ZNF107: variants seen among roughly 807,000 people sequenced by gnomAD.
ZNF107 encodes zinc finger protein 107.
A neutral mutation model predicts 12.3 loss-of-function variants in ZNF107; 19 were observed. The observed-to-expected ratio is 1.55, with a 90% CI of 1.08 to 2.27. ZNF107 has a LOEUF of 2.27. Ranked by LOEUF, ZNF107 falls within the 30% of genes most tolerant of loss-of-function variation. The probability of loss-of-function intolerance (pLI) is 0.00; values close to 1 mark genes in which losing one functional copy is unlikely to be tolerated. For missense variants in ZNF107, 958 were observed against 979.9 expected (o/e 0.98, Z 0.30); for synonymous variants, 317 against 330.5 (o/e 0.96, Z 0.44).
At chr7:64,701,655 T>C (rs929314302) in intron 3 of ZNF107, among the ~76,000 whole-genome samples, 1 of 152,170 alleles carries the variant, frequency 6.6e-6, no homozygotes, top group Non-Finnish European at 1.5e-5. Flanking sequence ...GGTTTCACTC[T>C]GTCAATCAGG....
intron 1 of ZNF107, among the ~76,000 whole-genome samples, chr7:64,683,643 C>T (rs951826753): frequency 3.4e-4 from 52 of 152,270 alleles, no homozygotes; most frequent in African/African-American, 1.2e-3. Context: ...ATGTAGGATA[C>T]AAGCCTTTGG....
At chr7:64,691,812 A>AACCG (rs1201968296) in intron 2 of ZNF107, 53 bp from the exon 3 acceptor site, 1 of 1,062,718 alleles carries the variant, frequency 9.4e-7, no homozygotes, top group Non-Finnish European at 1.2e-6. Flanking sequence ...CTGGATTAGT[A>AACCG]ATTGGAGAAT....
chr7:64,708,764 A>T lies in ZNF107; in HGVS notation c.*108A>T, dbSNP rs550098537. The T allele has an allele frequency of 1.5e-4, 172 of 1,119,860 alleles. 2 individuals are homozygous for T. In the African/African-American group the frequency reaches 2.6e-3, roughly 17 times the overall value. The allele number at this position is 1,119,860 out of a possible 1,614,324, so 69.4% of individuals were successfully genotyped here. ...CAAGTCTTCAACTTTTTCTGCACAC[A>T]CGAGGTATTTTATACTGGTGAGAAA... is the stretch of plus-strand genomic sequence containing the variant. On this transcript the variant is annotated 3_prime_UTR_variant, in exon 4 of 4. Transcript: ENST00000620827.
chr7:64,674,703 G>T (rs1197127316), intron 1 of ZNF107, among the ~76,000 whole-genome samples: 1 of 152,166 alleles, frequency 6.6e-6, no homozygotes, highest in Non-Finnish European at 1.5e-5. Context: ...AATGCTTCTA[G>T]CTTTGTCCAT....
chr7:64,684,250 G>A lies in ZNF107; in HGVS notation c.4-6998G>A, dbSNP rs568796415. 4.6e-5 allele frequency among the ~76,000 whole-genome samples: 7 copies of A among 152,098 alleles called. No individual in the cohort carries two copies. The East Asian group carries it at 1.4e-3, about 29-fold the overall frequency. On this transcript the variant is annotated intron_variant, in intron 1 of 3. Transcript: ENST00000620827. Reference sequence around the variant, plus strand: ...TTATATGGTAGTACTTTTCTACTGGGGCCCAACCTCATCCCAGACACCAGT... The same window carrying A: ...TTATATGGTAGTACTTTTCTACTGGAGCCCAACCTCATCCCAGACACCAGT...
At chr7:64,697,782 C>T (rs1242476445) in intron 3 of ZNF107, among the ~76,000 whole-genome samples, 2 of 151,924 alleles carry the variant, frequency 1.3e-5, no homozygotes, top group African/African-American at 2.4e-5. Flanking sequence ...GCTCCGCCTC[C>T]CGGGTTCACG....
At chr7:64,686,522 C>G in intron 1 of ZNF107, 1 of 985,388 alleles carries the variant, frequency 1.0e-6, no homozygotes, top group Non-Finnish European at 1.2e-6. Flanking sequence ...AACATCACCC[C>G]GTCCACTTCT....
intron 1 of ZNF107, among the ~76,000 whole-genome samples, chr7:64,673,931 G>T (rs1017050584): frequency 6.6e-6 from 1 of 150,828 alleles, no homozygotes; most frequent in African/African-American, 2.5e-5. Flanking sequence ...CTATTGGTCT[G>T]TTTTTTGTTG....
chr7:64,676,873 A>C (rs1177290912), intron 1 of ZNF107, among the ~76,000 whole-genome samples: 1 of 152,114 alleles, frequency 6.6e-6, no homozygotes, highest in Non-Finnish European at 1.5e-5. Flanking sequence ...CTTATGTAAA[A>C]ATTCAGGTTC....
chr7:64,697,319 T>C (rs1398620329), intron 3 of ZNF107, among the ~76,000 whole-genome samples: 2 of 152,198 alleles, frequency 1.3e-5, no homozygotes, highest in South Asian at 2.1e-4. Flanking sequence ...TTATAATCCT[T>C]TGGGTATATA....
intron 1 of ZNF107, among the ~76,000 whole-genome samples, chr7:64,683,111 C>G (rs974694722): frequency 6.6e-6 from 1 of 152,260 alleles, no homozygotes; most frequent in Non-Finnish European, 1.5e-5. Context: ...CCCTCCACCA[C>G]CTCTCAGCAA....
At chr7:64,679,390 A>G in intron 1 of ZNF107, 1 of 972,966 alleles carries the variant, frequency 1.0e-6, no homozygotes, top group Non-Finnish European at 1.2e-6. Context: ...AGGAGAGGAC[A>G]CTCACTGTCT....
At chr7:64,704,326 A>G (rs996277151) in intron 3 of ZNF107, among the ~76,000 whole-genome samples, 5 of 151,912 alleles carry the variant, frequency 3.3e-5, no homozygotes, top group Admixed American at 1.3e-4. Flanking sequence ...GCCCACTGCA[A>G]CCTCCGTTTC....
At chr7:64,700,496 C>G (rs985362444) in intron 3 of ZNF107, among the ~76,000 whole-genome samples, 3 of 140,498 alleles carry the variant, frequency 2.1e-5, no homozygotes, top group Non-Finnish European at 4.6e-5. Context: ...TCAAACCAAG[C>G]CAAATAAACC....
At chr7:64,676,946 C>T (rs1229638242) in intron 1 of ZNF107, among the ~76,000 whole-genome samples, 1 of 152,122 alleles carries the variant, frequency 6.6e-6, no homozygotes, top group African/African-American at 2.4e-5. Flanking sequence ...TGCAGATTCA[C>T]TGAGCCAGAC....
intron 1 of ZNF107, among the ~76,000 whole-genome samples, chr7:64,674,432 T>G (rs897738324): frequency 6.6e-6 from 1 of 152,224 alleles, no homozygotes; most frequent in African/African-American, 2.4e-5. Context: ...TGTAGAGGGA[T>G]GCTACTGATT....
In ZNF107 at chr7:64,710,662, A is replaced by G. The variant is rs1790856236; in HGVS notation, c.*2006A>G. ...AAAATTAGTTTTTGAAAAGCAAATGATGTAATTCAACTCAAATTCATGCTC... is the reference window on the plus strand; with the variant it reads ...AAAATTAGTTTTTGAAAAGCAAATGGTGTAATTCAACTCAAATTCATGCTC... On this transcript the variant is annotated 3_prime_UTR_variant, in exon 4 of 4. Transcript: ENST00000620827. 1 of 152,164 alleles carries G rather than the reference A, an allele frequency of 6.6e-6. No homozygotes were observed. The highest frequency in any genetic ancestry group is 1.5e-5 in the Non-Finnish European group (1 of 67,980). 9.4% of individuals were successfully genotyped at this position (152,164 alleles called of 1,614,324 possible). A position where few individuals can be genotyped will look rare whatever the true frequency, so the allele number is the denominator to read the frequency against.
intron 3 of ZNF107, among the ~76,000 whole-genome samples, chr7:64,699,557 T>G (rs994934558): frequency 4.6e-5 from 7 of 152,120 alleles, no homozygotes; most frequent in African/African-American, 7.2e-5. Context: ...CCTGAGTAGC[T>G]AGGACTACAG....
chr7:64,671,116 C>T (rs1287998089), intron 1 of ZNF107, among the ~76,000 whole-genome samples: 1 of 152,062 alleles, frequency 6.6e-6, no homozygotes, highest in African/African-American at 2.4e-5. Flanking sequence ...TGGAGTGGAA[C>T]TCTGGGTGTC....
Sources: gnomAD v4.1 joint callset for allele counts (sites outside exome capture counted in the v4.1 genomes callset) on GRCh38, gnomAD v4.1.1 for gene constraint, MANE v1.5 for transcripts, NCBI Gene and HGNC (gene_info 2026-07-23, HGNC 2026-07-21) for gene names.